The following GPHN variants were observed in gnomAD, a reference collection of about 807,000 sequenced individuals.
GPHN encodes gephyrin.
A neutral mutation model predicts 95.5 loss-of-function variants in GPHN; 17 were observed. The ratio of observed to expected loss-of-function variants is 0.18; its 90% CI spans 0.12 to 0.27. The LOEUF (loss-of-function observed/expected upper bound fraction) is 0.27. Ranked by LOEUF, GPHN falls within the 10% of genes least tolerant of loss-of-function variation. The pLI, the probability that GPHN is intolerant of heterozygous loss-of-function variation, is 1.00. For synonymous variants in GPHN, 320 were observed against 322.5 expected (o/e 0.99, Z 0.08); for missense variants, 660 against 978.1 (o/e 0.67, Z 4.34).
At chr14:67,024,873 T>C (rs1333413433) in intron 10 of GPHN, among the ~76,000 whole-genome samples, 1 of 152,148 alleles carries the variant, frequency 6.6e-6, no homozygotes, top group African/African-American at 2.4e-5. Context: ...TTCATGGGGT[T>C]TTTTTGTGTA....
the GPHN span, chr14:67,586,456 G>A: frequency 7.7e-7 from 1 of 1,290,380 alleles, no homozygotes; most frequent in Non-Finnish European, 1.0e-6. Flanking sequence ...TCCTCTTTAA[G>A]GTGCTCGCAT....
chr14:67,175,196 T>A (rs2082861367), intron 21 of GPHN, among the ~76,000 whole-genome samples: 1 of 152,196 alleles, frequency 6.6e-6, no homozygotes, highest in African/African-American at 2.4e-5. Flanking sequence ...TCTTCTAGGG[T>A]TTTTCTGGTT....
intron 5 of GPHN, among the ~76,000 whole-genome samples, chr14:66,903,842 T>TA (rs897791974): frequency 2.0e-5 from 3 of 152,122 alleles, no homozygotes; most frequent in African/African-American, 7.2e-5. Context: ...ATGACGCTTA[T>TA]AAAAAATACC....
intron 10 of GPHN, among the ~76,000 whole-genome samples, chr14:67,024,186 C>G (rs1270226309): frequency 6.6e-6 from 1 of 152,102 alleles, no homozygotes; most frequent in Non-Finnish European, 1.5e-5. Flanking sequence ...TTGGTTTGAT[C>G]ACTAATAGCA....
At chr14:67,469,211 C>T in the GPHN span, among the ~76,000 whole-genome samples, 1 of 152,230 alleles carries the variant, frequency 6.6e-6, no homozygotes, top group African/African-American at 2.4e-5. Context: ...ACACTGTCTA[C>T]TCCATCCAGA....
chr14:67,468,226 G>A, the GPHN span, among the ~76,000 whole-genome samples: 1 of 151,960 alleles, frequency 6.6e-6, no homozygotes, highest in African/African-American at 2.4e-5. Flanking sequence ...CACCCGCCTC[G>A]GGCTCCCAGA....
the GPHN span, among the ~76,000 whole-genome samples, chr14:67,607,774 AG>A: frequency 2.0e-5 from 3 of 152,232 alleles, no homozygotes; most frequent in Admixed American, 2.0e-4. Context: ...CTAAAGTTAG[AG>A]GCCTGTAAAT....
chr14:66,660,554 T>C (rs1363827697), intron 1 of GPHN, among the ~76,000 whole-genome samples: 1 of 152,162 alleles, frequency 6.6e-6, no homozygotes, highest in Non-Finnish European at 1.5e-5. Context: ...TTTTTTTTCA[T>C]GTCTGAAGAG....
At chr14:67,254,099 A>G in the GPHN span, 5 of 125,398 alleles carry the variant, frequency 4.0e-5, no homozygotes, top group African/African-American at 1.6e-4. Context: ...CTACAGTTCT[A>G]GTGTGGCATT....
chr14:66,587,875 A>G (rs7151270), intron 1 of GPHN, among the ~76,000 whole-genome samples: 46,856 of 151,696 alleles, frequency 0.31, 11,007 homozygotes, highest in African/African-American at 0.63. Context: ...CCAGCACAGC[A>G]TTCGAGCTCT....
intron 5 of GPHN, among the ~76,000 whole-genome samples, chr14:66,899,410 T>A (rs900494858): frequency 6.6e-6 from 1 of 151,934 alleles, no homozygotes; most frequent in Non-Finnish European, 1.5e-5. Context: ...TTATAAAAGC[T>A]CTTTTTCAAA....
the GPHN span, among the ~76,000 whole-genome samples, chr14:67,411,015 T>C: frequency 6.6e-6 from 1 of 151,314 alleles, no homozygotes. Flanking sequence ...GGCATAGTAG[T>C]GGATACCTGT....
At chr14:67,321,461 C>T in the GPHN span, among the ~76,000 whole-genome samples, 8 of 152,206 alleles carry the variant, frequency 5.3e-5, no homozygotes, top group Non-Finnish European at 8.8e-5. Context: ...TACATACTTA[C>T]ATATACAGGT....
At chr14:66,646,634 G>A (rs1042472997) in intron 1 of GPHN, among the ~76,000 whole-genome samples, 2 of 152,038 alleles carry the variant, frequency 1.3e-5, no homozygotes, top group Admixed American at 6.6e-5. Context: ...GCAAGAAGAA[G>A]ACAAATATTG....
the GPHN span, chr14:67,352,783 G>C: frequency 1.2e-5 from 7 of 607,630 alleles, no homozygotes; most frequent in African/African-American, 5.7e-5. Flanking sequence ...TTTGATATTT[G>C]ACACTTGTTA....
At chr14:67,403,302 A>C in the GPHN span, among the ~76,000 whole-genome samples, 1 of 152,222 alleles carries the variant, frequency 6.6e-6, no homozygotes, top group Non-Finnish European at 1.5e-5. Flanking sequence ...GAAAACAAGA[A>C]ATTTTGGCAA....
the GPHN span, among the ~76,000 whole-genome samples, chr14:67,609,305 A>G: frequency 6.6e-6 from 1 of 152,170 alleles, no homozygotes; most frequent in Non-Finnish European, 1.5e-5. Flanking sequence ...CATATTTTAA[A>G]GGATACAAAT....
the GPHN span, among the ~76,000 whole-genome samples, chr14:67,528,918 A>G: frequency 6.6e-6 from 1 of 152,120 alleles, no homozygotes; most frequent in Non-Finnish European, 1.5e-5. Flanking sequence ...TCAGATCAGC[A>G]TTTTAAGACA....
At chr14:66,824,756 A>C (rs1310631727) in intron 4 of GPHN, among the ~76,000 whole-genome samples, 190 bp downstream of exon 4, 1 of 152,160 alleles carries the variant, frequency 6.6e-6, no homozygotes, top group Non-Finnish European at 1.5e-5. Context: ...CTTTGGGCTT[A>C]AACTAGAAGT....
Sources: gnomAD v4.1 joint callset for allele counts (sites outside exome capture counted in the v4.1 genomes callset) on GRCh38, gnomAD v4.1.1 for gene constraint, MANE v1.5 for transcripts, NCBI Gene and HGNC (gene_info 2026-07-23, HGNC 2026-07-21) for gene names.